Variants in REC114 observed in about 807,000 individuals in gnomAD.
The protein encoded by REC114 is meiotic recombination protein REC114.
In REC114, 27 loss-of-function variants were observed where a neutral mutation model predicts 31.3. That is an observed-to-expected ratio of 0.86 (90% confidence interval 0.64 to 1.19). The LOEUF (loss-of-function observed/expected upper bound fraction) is 1.19. Ranked by LOEUF, REC114 falls within the 50% of genes most tolerant of loss-of-function variation. The pLI, the probability that REC114 is intolerant of heterozygous loss-of-function variation, is 0.00. For synonymous variants in REC114, 134 were observed against 127.7 expected, an observed-to-expected ratio of 1.05 and a Z score of -0.33; for missense variants, 344 against 326.9, an observed-to-expected ratio of 1.05 and a Z score of -0.40.
chr15:73,493,802 T>A (rs1567870396), intron 2 of REC114, among the ~76,000 whole-genome samples: 1 of 152,248 alleles, frequency 6.6e-6, no homozygotes, highest in East Asian at 1.9e-4. Flanking sequence ...TAGTTATTCA[T>A]CCACCCTTCT....
rs530704232 is a variant in REC114 at position 73,481,650 on chromosome 15, C to CTTT, written c.249+7753_249+7755dup. On this transcript the variant is annotated intron_variant, in intron 2 of 5. Transcript: ENST00000331090. ...ACATAAAATTTACCATCTTAACTCC[C>CTTT]TTTTTTTTTTTTTTTTTTTTTTTTT... 2.1e-4 allele frequency among the ~76,000 whole-genome samples: 24 copies of CTTT among 114,066 alleles called. 1 individual carries two copies. Among genetic ancestry groups the CTTT allele is most frequent in the African/African-American group, 2.9e-4 (8 of 27,398 alleles). 74.8% of individuals were successfully genotyped at this position (114,066 alleles called of 152,430 possible).
chr15:73,469,441 T>G (rs930260491), intron 1 of REC114, among the ~76,000 whole-genome samples: 2 of 152,070 alleles, frequency 1.3e-5, no homozygotes, highest in Non-Finnish European at 2.9e-5. Context: ...AGTGAAAGAG[T>G]CTCACTCTGT....
intron 2 of REC114, among the ~76,000 whole-genome samples, chr15:73,476,170 G>A (rs1039059206): frequency 1.1e-4 from 17 of 152,088 alleles, no homozygotes; most frequent in Admixed American, 3.9e-4. Flanking sequence ...ATTGTTAAGT[G>A]ACATATGACT....
At chr15:73,472,979 T>C (rs542495704) in intron 1 of REC114, among the ~76,000 whole-genome samples, 3 of 152,112 alleles carry the variant, frequency 2.0e-5, no homozygotes, top group Admixed American at 6.5e-5. Context: ...TTGCAAGTAA[T>C]GGGAAATAAT....
chr15:73,516,072 C>T (rs1308270766), intron 2 of REC114, among the ~76,000 whole-genome samples: 2 of 151,634 alleles, frequency 1.3e-5, no homozygotes, highest in South Asian at 2.1e-4. Context: ...CTGCAACCTC[C>T]GCCTCCCAGG....
intron 1 of REC114, among the ~76,000 whole-genome samples, chr15:73,443,614 A>G (rs960797986): frequency 6.6e-6 from 1 of 152,238 alleles, no homozygotes. Flanking sequence ...TTGAGCGTCA[A>G]GTATGTGCTA....
intron 2 of REC114, among the ~76,000 whole-genome samples, chr15:73,479,073 G>T (rs1893256539): frequency 6.6e-6 from 1 of 151,956 alleles, no homozygotes; most frequent in Non-Finnish European, 1.5e-5. Context: ...GATTATGCTG[G>T]CTAGGATGTC....
intron 1 of REC114, among the ~76,000 whole-genome samples, chr15:73,446,945 T>C (rs1276142883): frequency 6.6e-6 from 1 of 152,232 alleles, no homozygotes; most frequent in Non-Finnish European, 1.5e-5. Flanking sequence ...TTTAGAATGC[T>C]ATTGCAGTGT....
chr15:73,500,816 C>T (rs1893594946), intron 2 of REC114, among the ~76,000 whole-genome samples: 1 of 151,178 alleles, frequency 6.6e-6, no homozygotes, highest in Admixed American at 6.6e-5. Flanking sequence ...ACTTCTCCCA[C>T]TCCCTCCTCT....
In REC114 at chr15:73,550,991, G is replaced by A. The variant is rs773893406; in HGVS notation, c.387G>A (p.Ala129=). 47 of 1,613,764 alleles carry A rather than the reference G, an allele frequency of 2.9e-5. No individual in the cohort carries two copies. The highest frequency in any genetic ancestry group is 2.1e-4 in the South Asian group (19 of 91,090). ...VQFSGESKEQ[A]LEHCCSCVQK... ...TCAGTGGAGAGTCAAAGGAGCAGGC[G>A]CTGGAACACTGCTGCAGTTGTGTTC... Residue 129 remains alanine, a synonymous_variant, in exon 4 of 6, where the codon GCG becomes GCA. Transcript: ENST00000331090.
chr15:73,541,259 G>T (rs7176074), intron 3 of REC114, among the ~76,000 whole-genome samples: 21,857 of 152,072 alleles, frequency 0.14, 3,043 homozygotes, highest in African/African-American at 0.36. Context: ...TAATTGAAAT[G>T]TATCATTTCC....
At chr15:73,464,655 T>C (rs1481128496) in intron 1 of REC114, among the ~76,000 whole-genome samples, 1 of 152,074 alleles carries the variant, frequency 6.6e-6, no homozygotes, top group African/African-American at 2.4e-5. Context: ...TCCTTGGAGG[T>C]TGAGAGACCG....
intron 2 of REC114, among the ~76,000 whole-genome samples, chr15:73,475,761 CACTT>C (rs1017263888): frequency 6.2e-4 from 94 of 152,164 alleles, no homozygotes; most frequent in African/African-American, 2.1e-3. Context: ...TAACAATACA[CACTT>C]AATTAGGATA....
chr15:73,513,772 G>A (rs1893813317), intron 2 of REC114, among the ~76,000 whole-genome samples: 1 of 151,344 alleles, frequency 6.6e-6, no homozygotes, highest in South Asian at 2.1e-4. Flanking sequence ...TCAGGGGTCA[G>A]GGACCCACTT....
rs370984609 is a variant in REC114, at chr15:73,556,414, A to G, written c.636+23A>G. 1.3e-3 allele frequency: 2,132 copies of G among 1,596,558 alleles called. 4 individuals carry two copies. Among genetic ancestry groups the G allele is most frequent in the Non-Finnish European group, 1.6e-3 (1,844 of 1,168,766 alleles). ...CAGGTAGAGCTTATTTCTGTGTTCA[A>G]TTTTCTTGTCATGAGAAGCAGTGAC... On this transcript the variant is annotated intron_variant, in intron 5 of 5. Transcript: ENST00000331090.
intron 1 of REC114, among the ~76,000 whole-genome samples, chr15:73,446,345 A>G (rs1892764812): frequency 6.6e-6 from 1 of 152,186 alleles, no homozygotes; most frequent in African/African-American, 2.4e-5. Context: ...TAAAGAGAAT[A>G]AAGGTCCCAG....
At chr15:73,559,050 A>T (rs1428840423) in intron 5 of REC114, among the ~76,000 whole-genome samples, 3 of 152,232 alleles carry the variant, frequency 2.0e-5, no homozygotes, top group Non-Finnish European at 4.4e-5. Flanking sequence ...GCCAGATTCA[A>T]CAACGTATTA....
At chr15:73,557,699 T>C (rs550215904) in intron 5 of REC114, among the ~76,000 whole-genome samples, 4 of 152,146 alleles carry the variant, frequency 2.6e-5, no homozygotes, top group Non-Finnish European at 5.9e-5. Context: ...TGTCCTTATT[T>C]AGGAAATATC....
chr15:73,475,738 A>C (rs1893203216), intron 2 of REC114, among the ~76,000 whole-genome samples: 1 of 152,196 alleles, frequency 6.6e-6, no homozygotes, highest in African/African-American at 2.4e-5. Context: ...TGCAAATTAA[A>C]ACCACCATGA....
Sources: gnomAD v4.1 joint callset for allele counts (sites outside exome capture counted in the v4.1 genomes callset) on GRCh38, gnomAD v4.1.1 for gene constraint, MANE v1.5 for transcripts, NCBI Gene and HGNC (gene_info 2026-07-23, HGNC 2026-07-21) for gene names.